Variants in NEGR1 observed in about 807,000 individuals in gnomAD.
The protein encoded by NEGR1 is IgLON family member 4.
Under a neutral mutation model 40.9 loss-of-function variants are expected in NEGR1, and 10 were observed. The observed-to-expected ratio is 0.24, with a 90% CI of 0.15 to 0.42. NEGR1 has a LOEUF of 0.42. Ranked by LOEUF, NEGR1 falls within the 10% of genes least tolerant of loss-of-function variation. NEGR1 has a pLI of 1.00. For synonymous variants in NEGR1, 185 were observed against 166.8 expected, an observed-to-expected ratio of 1.11 and a Z score of -0.84; for missense variants, 352 against 438.9, an observed-to-expected ratio of 0.80 and a Z score of 1.77.
chr1:71,464,719 G>C (rs1276777116), intron 6 of NEGR1, among the ~76,000 whole-genome samples: 1 of 152,000 alleles, frequency 6.6e-6, no homozygotes, highest in Admixed American at 6.6e-5. Context: ...AACTCATCTG[G>C]GAAAATATGC....
chr1:71,809,966 A>AAACCATC (rs752248364), intron 2 of NEGR1, among the ~76,000 whole-genome samples: 104 of 152,298 alleles, frequency 6.8e-4, no homozygotes, highest in Non-Finnish European at 1.3e-3. Flanking sequence ...ACAAATGGTA[A>AAACCATC]TTGTCTCTTA....
At chr1:71,659,171 G>T (rs775882083) in intron 4 of NEGR1, among the ~76,000 whole-genome samples, 10 of 152,234 alleles carry the variant, frequency 6.6e-5, no homozygotes, top group African/African-American at 1.2e-4. Flanking sequence ...TGAATCTTCA[G>T]AGGTTTTTGA....
At chr1:71,414,903 G>C (rs1015758740) in intron 6 of NEGR1, among the ~76,000 whole-genome samples, 1 of 152,040 alleles carries the variant, frequency 6.6e-6, no homozygotes, top group South Asian at 2.1e-4. Context: ...CTCTCAGTGT[G>C]GTCGACTAAC....
rs78451342 is a variant in NEGR1, at chr1:71,734,305, A to C, written c.536-36166T>G. Among the ~76,000 whole-genome samples the C allele has an allele frequency of 1.8e-3, 269 of 152,208 alleles. 8 individuals carry two copies. In the East Asian group the frequency reaches 0.05, roughly 28 times the overall value. On this transcript the variant is annotated intron_variant, in intron 3 of 6. Coordinates refer to ENST00000357731, the MANE Select transcript of NEGR1 (RefSeq NM_173808.3). ...TCAAATTCTATCTTTATCCCTCCCT[A>C]GCAGGTACTTTGGGCAAGATATTTA...
At chr1:71,730,728 A>G (rs926097025) in intron 3 of NEGR1, among the ~76,000 whole-genome samples, 1 of 151,732 alleles carries the variant, frequency 6.6e-6, no homozygotes, top group African/African-American at 2.4e-5. Flanking sequence ...AAGTCACAAA[A>G]TGTAAATAAA....
chr1:71,547,797 A>T (rs1449987059), intron 6 of NEGR1, among the ~76,000 whole-genome samples: 1 of 151,678 alleles, frequency 6.6e-6, no homozygotes, highest in Non-Finnish European at 1.5e-5. Flanking sequence ...GTTTCTTGGT[A>T]TTCACATCAT....
chr1:71,855,344 A>AT (rs1038118671), intron 2 of NEGR1, among the ~76,000 whole-genome samples: 2 of 151,878 alleles, frequency 1.3e-5, no homozygotes, highest in Admixed American at 6.6e-5. Context: ...ACCCTTAATA[A>AT]TTTTTTTTCT....
At chr1:71,682,352 T>G (rs1652866946) in intron 4 of NEGR1, among the ~76,000 whole-genome samples, 1 of 152,216 alleles carries the variant, frequency 6.6e-6, no homozygotes, top group African/African-American at 2.4e-5. Flanking sequence ...GTCTGATAAT[T>G]CTTCTACAAA....
intron 4 of NEGR1, among the ~76,000 whole-genome samples, chr1:71,685,741 C>T (rs1449618513): frequency 6.6e-6 from 1 of 152,182 alleles, no homozygotes; most frequent in African/African-American, 2.4e-5. Context: ...TTCTTCTATT[C>T]ACCTAAATCT....
intron 1 of NEGR1, among the ~76,000 whole-genome samples, chr1:72,032,098 T>A (rs1043830246): frequency 6.6e-6 from 1 of 152,140 alleles, no homozygotes; most frequent in Non-Finnish European, 1.5e-5. Flanking sequence ...CAAAAACACT[T>A]GTTTGTCTAC....
intron 1 of NEGR1, among the ~76,000 whole-genome samples, chr1:72,002,234 G>T (rs1646563794): frequency 6.6e-6 from 1 of 151,978 alleles, no homozygotes; most frequent in Non-Finnish European, 1.5e-5. Context: ...AAAATAAGTT[G>T]AGAATCTGGT....
chr1:71,807,885 T>C (rs1657837220), intron 2 of NEGR1, among the ~76,000 whole-genome samples: 1 of 152,160 alleles, frequency 6.6e-6, no homozygotes, highest in Non-Finnish European at 1.5e-5. Context: ...TTTTCATAAA[T>C]ATAAAAATGC....
At chr1:71,699,021 C>A (rs902013451) in intron 3 of NEGR1, among the ~76,000 whole-genome samples, 9 of 151,566 alleles carry the variant, frequency 5.9e-5, no homozygotes, top group Non-Finnish European at 1.2e-4. Context: ...GAGAGGAGAC[C>A]CTTCTACCTC....
chr1:71,562,907 A>G (rs544521655), intron 6 of NEGR1, among the ~76,000 whole-genome samples: 1 of 151,938 alleles, frequency 6.6e-6, no homozygotes, highest in Non-Finnish European at 1.5e-5. Flanking sequence ...TGGCAGAGGG[A>G]AAGTCTGAGA....
intron 1 of NEGR1, among the ~76,000 whole-genome samples, chr1:71,943,692 A>G (rs1361724841): frequency 1.3e-5 from 2 of 152,172 alleles, no homozygotes; most frequent in Non-Finnish European, 2.9e-5. Context: ...AGAAACTAAC[A>G]AAGTCTGAAT....
At chr1:72,200,732 A>AC (rs1570113721) in intron 1 of NEGR1, among the ~76,000 whole-genome samples, 1 of 151,954 alleles carries the variant, frequency 6.6e-6, no homozygotes, top group East Asian at 1.9e-4. Flanking sequence ...CAATAGTCTC[A>AC]CTCCAAATAT....
chr1:71,902,365 T>C (rs768440288), intron 2 of NEGR1, among the ~76,000 whole-genome samples: 55 of 152,238 alleles, frequency 3.6e-4, no homozygotes, highest in Non-Finnish European at 6.6e-4. Context: ...AAAAACCTGA[T>C]AGAGTTTAAC....
intron 1 of NEGR1, among the ~76,000 whole-genome samples, chr1:72,027,979 A>C (rs1326978811): frequency 6.6e-6 from 1 of 152,148 alleles, no homozygotes; most frequent in Non-Finnish European, 1.5e-5. Flanking sequence ...TTCCATCAAC[A>C]CCTGTACTTA....
intron 1 of NEGR1, among the ~76,000 whole-genome samples, chr1:72,017,460 A>G: frequency 6.6e-6 from 1 of 152,160 alleles, no homozygotes; most frequent in East Asian, 1.9e-4. Context: ...AATACCTGGT[A>G]ATTTATTGCA....
Sources: allele counts gnomAD v4.1 joint callset (sites outside exome capture counted in the v4.1 genomes callset), GRCh38; gene constraint gnomAD v4.1.1; transcripts MANE v1.5; gene names NCBI Gene and HGNC (gene_info 2026-07-23, HGNC 2026-07-21).